Variants in NLGN1 observed in about 807,000 individuals in gnomAD.
The protein encoded by NLGN1 is neuroligin 1, also known as neuroligin-1.
In NLGN1, 12 loss-of-function variants were observed where a neutral mutation model predicts 65.5. The observed-to-expected ratio is 0.18, with a 90% CI of 0.12 to 0.30. The LOEUF is 0.30. Ranked by LOEUF, NLGN1 falls within the 10% of genes least tolerant of loss-of-function variation. NLGN1 has a pLI of 1.00. For missense variants in NLGN1, 750 were observed against 1,007.1 expected (o/e 0.74, Z 3.46); for synonymous variants, 350 against 359.5 (o/e 0.97, Z 0.30).
At chr3:173,552,763 C>T (rs1363839579) in intron 2 of NLGN1, among the ~76,000 whole-genome samples, 1 of 152,116 alleles carries the variant, frequency 6.6e-6, no homozygotes, top group Non-Finnish European at 1.5e-5. Flanking sequence ...GCAGTTTTGC[C>T]AGGGAGCCCT....
chr3:173,993,385 T>C (rs934922426), intron 4 of NLGN1, among the ~76,000 whole-genome samples: 1 of 152,226 alleles, frequency 6.6e-6, no homozygotes, highest in African/African-American at 2.4e-5. Context: ...GCTAGCTGTA[T>C]TTGTAGCACA....
intron 3 of NLGN1, among the ~76,000 whole-genome samples, chr3:173,607,115 G>A (rs1751517668): frequency 6.6e-6 from 1 of 151,990 alleles, no homozygotes; most frequent in Admixed American, 6.6e-5. Flanking sequence ...GCTAGTGAGT[G>A]AGAAAGTGAC....
At chr3:173,766,792 G>A (rs1055146283) in intron 3 of NLGN1, among the ~76,000 whole-genome samples, 5 of 152,020 alleles carry the variant, frequency 3.3e-5, no homozygotes, top group Non-Finnish European at 7.4e-5. Flanking sequence ...TGCCTTTTTC[G>A]TTTTTATAAG....
intron 4 of NLGN1, among the ~76,000 whole-genome samples, chr3:173,848,889 A>G (rs1363601575): frequency 6.6e-6 from 1 of 152,194 alleles, no homozygotes; most frequent in African/African-American, 2.4e-5. Context: ...AACTATAATT[A>G]CCTGCGATAG....
intron 4 of NLGN1, among the ~76,000 whole-genome samples, chr3:174,263,923 T>G (rs1747471045): frequency 6.6e-6 from 1 of 151,180 alleles, no homozygotes; most frequent in Non-Finnish European, 1.5e-5. Flanking sequence ...TAAAGTATTT[T>G]ATTTCTCCTT....
chr3:174,090,077 A>T (rs950106809), intron 4 of NLGN1, among the ~76,000 whole-genome samples: 6 of 152,218 alleles, frequency 3.9e-5, no homozygotes, highest in Non-Finnish European at 7.3e-5. Context: ...TGCCTTATTA[A>T]AAAATGTAAT....
intron 4 of NLGN1, among the ~76,000 whole-genome samples, chr3:174,100,686 A>G (rs1341729819): frequency 1.3e-5 from 2 of 152,098 alleles, no homozygotes; most frequent in African/African-American, 2.4e-5. Context: ...TATCACTAAA[A>G]AGGAAGTTTC....
chr3:173,733,775 A>T (rs1336160356), intron 3 of NLGN1, among the ~76,000 whole-genome samples: 2 of 152,138 alleles, frequency 1.3e-5, no homozygotes, highest in African/African-American at 4.8e-5. Context: ...AAAGGTAATA[A>T]AATTATGGCC....
chr3:174,185,811 A>AC (rs1305698500), intron 4 of NLGN1, among the ~76,000 whole-genome samples: 3 of 151,856 alleles, frequency 2.0e-5, no homozygotes, highest in East Asian at 3.9e-4. Flanking sequence ...ATTAACCAAA[A>AC]AAAAACAAAA....
chr3:173,895,889 C>T (rs1362269710), intron 4 of NLGN1, among the ~76,000 whole-genome samples: 3 of 152,128 alleles, frequency 2.0e-5, no homozygotes, highest in East Asian at 1.9e-4. Context: ...TGGGTTTTGC[C>T]GTGTTGGTCA....
At chr3:174,223,028 C>T (rs1738950299) in intron 4 of NLGN1, among the ~76,000 whole-genome samples, 1 of 152,054 alleles carries the variant, frequency 6.6e-6, no homozygotes, top group Admixed American at 6.5e-5. Context: ...TGCTTATATG[C>T]TTTGTGCCAC....
chr3:173,657,537 G>A (rs1043273400), intron 3 of NLGN1, among the ~76,000 whole-genome samples: 1 of 151,850 alleles, frequency 6.6e-6, no homozygotes, highest in Admixed American at 6.6e-5. Flanking sequence ...ACTGGGCAGT[G>A]GGGGGAAAGC....
rs554851049 is a variant in NLGN1 at position 173,480,822 on chromosome 3, T to C, written c.-321+45744T>C. On this transcript the variant is annotated intron_variant, in intron 2 of 6. Coordinates refer to ENST00000457714, the Ensembl canonical transcript of NLGN1. ...GAAACTATCTAGACTGTAGCCAAACTCCACATAGTTTAGTTAACTTTGCTC... is the reference window on the plus strand; with the variant it reads ...GAAACTATCTAGACTGTAGCCAAACCCCACATAGTTTAGTTAACTTTGCTC... Among the ~76,000 whole-genome samples the C allele has an allele frequency of 1.3e-5, 2 of 152,088 alleles. 1 individual carries two copies. The highest frequency in any genetic ancestry group is 4.1e-4 in the South Asian group (2 of 4,830).
intron 3 of NLGN1, among the ~76,000 whole-genome samples, chr3:173,632,238 AC>A (rs1755804740): frequency 6.6e-6 from 1 of 152,218 alleles, no homozygotes; most frequent in Non-Finnish European, 1.5e-5. Flanking sequence ...AGTATGCTGT[AC>A]ATATCACTTT....
At chr3:173,994,212 A>T (rs1470249154) in intron 4 of NLGN1, among the ~76,000 whole-genome samples, 4 of 152,010 alleles carry the variant, frequency 2.6e-5, no homozygotes, top group African/African-American at 9.7e-5. Context: ...GGCTCAAGTG[A>T]TCCTACTGCC....
At chr3:173,577,441 C>T (rs552365141) in intron 2 of NLGN1, among the ~76,000 whole-genome samples, 152 of 152,286 alleles carry the variant, frequency 1.0e-3, no homozygotes, top group Non-Finnish European at 1.9e-3. Flanking sequence ...TGCTTTCCTT[C>T]TCTCCCTTCC....
chr3:173,459,813 C>G (rs1456883549), intron 2 of NLGN1, among the ~76,000 whole-genome samples: 4 of 151,886 alleles, frequency 2.6e-5, no homozygotes, highest in Admixed American at 6.6e-5. Context: ...CAGTTAAATA[C>G]TATAATAGCA....
rs368356257 is a variant in NLGN1 at position 174,203,079 on chromosome 3, A to G, written c.647-72236A>G. Among the ~76,000 whole-genome samples the G allele has an allele frequency of 2.6e-5, 4 of 152,282 alleles. No homozygotes were observed. The East Asian group carries it at 7.7e-4, about 29-fold the overall frequency. ...TGACCCAAAAAGATAAGTCTATCTA[A>G]TGTGCTTGCTTACTGAAGCACAAAC... On this transcript the variant is annotated intron_variant, in intron 4 of 6. Transcript: ENST00000457714.
chr3:173,766,366 G>T (rs1486345250), intron 3 of NLGN1, among the ~76,000 whole-genome samples: 1 of 152,074 alleles, frequency 6.6e-6, no homozygotes, highest in East Asian at 1.9e-4. Flanking sequence ...TGGGATTACA[G>T]GTGTGAGCCA....
Sources: gnomAD v4.1 joint callset for allele counts (sites outside exome capture counted in the v4.1 genomes callset) on GRCh38, gnomAD v4.1.1 for gene constraint, MANE v1.5 for transcripts, NCBI Gene and HGNC (gene_info 2026-07-23, HGNC 2026-07-21) for gene names.